Variants in ASIC2 observed in about 807,000 individuals in gnomAD.
ASIC2 encodes acid-sensing ion channel 2.
ASIC2 carries 25 observed loss-of-function variants against 57.3 expected under a neutral mutation model. The observed-to-expected ratio is 0.44, with a 90% CI of 0.32 to 0.61. The LOEUF (loss-of-function observed/expected upper bound fraction) is 0.61. Ranked by LOEUF, ASIC2 falls within the 20% of genes least tolerant of loss-of-function variation. The pLI is 0.06. For missense variants in ASIC2, 641 were observed against 738.1 expected, an observed-to-expected ratio of 0.87 and a Z score of 1.52; for synonymous variants, 319 against 307.5, an observed-to-expected ratio of 1.04 and a Z score of -0.39.
chr17:33,788,756 A>G (rs1299555846), intron 1 of ASIC2, among the ~76,000 whole-genome samples: 1 of 152,228 alleles, frequency 6.6e-6, no homozygotes, highest in Non-Finnish European at 1.5e-5. Flanking sequence ...TTGCAGGGAC[A>G]TGGATGAAAC....
chr17:33,567,880 C>G (rs933452079), intron 1 of ASIC2, among the ~76,000 whole-genome samples: 12 of 152,066 alleles, frequency 7.9e-5, no homozygotes, highest in African/African-American at 2.7e-4. Flanking sequence ...CTCTCTCCCC[C>G]ACTCTACATA....
intron 1 of ASIC2, among the ~76,000 whole-genome samples, chr17:34,121,885 G>T (rs1399383165): frequency 6.6e-6 from 1 of 152,174 alleles, no homozygotes; most frequent in African/African-American, 2.4e-5. Context: ...TTCAGAATTA[G>T]TTCAGCTATC....
chr17:33,464,562 CTTTT>C (rs1567621244), intron 1 of ASIC2, among the ~76,000 whole-genome samples: 1 of 95,752 alleles, frequency 1.0e-5, no homozygotes, highest in East Asian at 2.9e-4. Flanking sequence ...TTCTTTCTTT[CTTTT>C]CTCTCTTTCT....
At chr17:33,618,499 T>A (rs1905677338) in intron 1 of ASIC2, among the ~76,000 whole-genome samples, 1 of 152,136 alleles carries the variant, frequency 6.6e-6, no homozygotes, top group Non-Finnish European at 1.5e-5. Context: ...GGGAAAGAAA[T>A]CAATAATTAC....
At chr17:33,419,804 CAAACTTG>C (rs919054313) in intron 1 of ASIC2, among the ~76,000 whole-genome samples, 13 of 151,516 alleles carry the variant, frequency 8.6e-5, no homozygotes, top group African/African-American at 2.9e-4. Context: ...GACTAACATA[CAAACTTG>C]AAAAAGAATG....
At chr17:33,443,406 ATTTTTTT>A (rs779597047) in intron 1 of ASIC2, among the ~76,000 whole-genome samples, 2 of 75,234 alleles carry the variant, frequency 2.7e-5, no homozygotes, top group East Asian at 3.7e-4. Context: ...GGAGGGTAAG[ATTTTTTT>A]TTTTTTTTTT....
intron 1 of ASIC2, among the ~76,000 whole-genome samples, chr17:33,325,132 C>G (rs1907023704): frequency 6.6e-6 from 1 of 152,186 alleles, no homozygotes; most frequent in Non-Finnish European, 1.5e-5. Context: ...AACAAACAAA[C>G]AAACAAACAA....
At chr17:33,659,597 G>T (rs554985621) in intron 1 of ASIC2, among the ~76,000 whole-genome samples, 1 of 152,128 alleles carries the variant, frequency 6.6e-6, no homozygotes, top group African/African-American at 2.4e-5. Flanking sequence ...CTGGCGGGGC[G>T]CGGTGGCTCA....
intron 1 of ASIC2, among the ~76,000 whole-genome samples, chr17:34,105,309 CATGTTATT>C (rs1381075913): frequency 6.6e-6 from 1 of 151,792 alleles, no homozygotes; most frequent in East Asian, 1.9e-4. Context: ...TTTCTTAATT[CATGTTATT>C]ATACTATAGA....
At chr17:33,816,337 AGCATGAATGAAT>A (rs1912581081) in intron 1 of ASIC2, among the ~76,000 whole-genome samples, 2 of 152,182 alleles carry the variant, frequency 1.3e-5, no homozygotes, top group Admixed American at 1.3e-4. Context: ...AAAGTCTAAA[AGCATGAATGAAT>A]GCATGAATGA....
chr17:33,908,132 T>C (rs1915389322), intron 1 of ASIC2, among the ~76,000 whole-genome samples: 1 of 152,206 alleles, frequency 6.6e-6, no homozygotes, highest in Admixed American at 6.5e-5. Context: ...TTCTCTGCCC[T>C]GGAACCCCCT....
chr17:33,857,994 T>C lies in ASIC2; in HGVS notation c.555+297984A>G, dbSNP rs1914007392. Among the ~76,000 whole-genome samples the C allele has an allele frequency of 2.0e-5, 3 of 152,106 alleles. No individual in the cohort carries two copies. In the South Asian group the frequency reaches 6.2e-4, roughly 32 times the overall value. On this transcript the variant is annotated intron_variant, in intron 1 of 9. Coordinates refer to the ASIC2 transcript ENST00000359872. ...CAGCTCCTCAGGCTTGCAGCCTGGG[T>C]TCTAAGTGGGAGGTCAAGAGGACCT...
intron 1 of ASIC2, among the ~76,000 whole-genome samples, chr17:33,949,243 T>C (rs975266632): frequency 4.6e-5 from 7 of 152,200 alleles, no homozygotes; most frequent in Admixed American, 4.6e-4. Context: ...CCATGTCTTT[T>C]GGGAAAATCT....
At chr17:33,831,411 G>A (rs187669057) in intron 1 of ASIC2, among the ~76,000 whole-genome samples, 4 of 152,198 alleles carry the variant, frequency 2.6e-5, no homozygotes, top group African/African-American at 9.6e-5. Context: ...GTATCACTGA[G>A]TTCCTGCCTT....
At chr17:33,459,151 C>T (rs933690443) in intron 1 of ASIC2, among the ~76,000 whole-genome samples, 4 of 151,746 alleles carry the variant, frequency 2.6e-5, no homozygotes, top group Non-Finnish European at 4.4e-5. Context: ...TTTTGATCAT[C>T]GTCACATGGT....
Position 34,141,700 on chromosome 17 carries a change from G to T in ASIC2, c.555+14278C>A, listed in dbSNP as rs571601025. 2.2e-4 allele frequency among the ~76,000 whole-genome samples: 34 copies of T among 152,310 alleles called. No individual in the cohort carries two copies. In the South Asian group the frequency reaches 6.8e-3, roughly 31 times the overall value. ...TGGTAGATTCCTGGACATGCTAAGC[G>T]TTGGTAAATTCTTGCAGACATAAAA... is the stretch of plus-strand genomic sequence containing the variant. On this transcript the variant is annotated intron_variant, in intron 1 of 9. Transcript: ENST00000359872.
rs539107276 is a variant in ASIC2, at chr17:34,044,021, A to T, written c.555+111957T>A. Among the ~76,000 whole-genome samples the T allele has an allele frequency of 2.4e-3, 362 of 152,324 alleles. 3 individuals carry two copies. The highest frequency in any genetic ancestry group is 8.3e-3 in the African/African-American group (344 of 41,578). ...CATGCATACCCTCCCTGTTGAGGAC[A>T]CACAAAGATGCAACAAATTATCTTT... On this transcript the variant is annotated intron_variant, in intron 1 of 9. Coordinates refer to the ASIC2 transcript ENST00000359872.
chr17:33,655,458 C>A (rs115490137), intron 1 of ASIC2, among the ~76,000 whole-genome samples: 1 of 152,378 alleles, frequency 6.6e-6, no homozygotes, highest in African/African-American at 2.4e-5. Flanking sequence ...TTCCTTCTAG[C>A]TGCCATTGCA....
intron 1 of ASIC2, among the ~76,000 whole-genome samples, chr17:33,260,006 T>C (rs986494709): frequency 3.3e-5 from 5 of 152,160 alleles, no homozygotes; most frequent in Non-Finnish European, 5.9e-5. Context: ...AGTGCGGTGG[T>C]GCACGCTGGC....
Sources: gnomAD v4.1 joint callset for allele counts (sites outside exome capture counted in the v4.1 genomes callset) on GRCh38, gnomAD v4.1.1 for gene constraint, MANE v1.5 for transcripts, NCBI Gene and HGNC (gene_info 2026-07-23, HGNC 2026-07-21) for gene names.